The following MYO3A variants were observed in gnomAD, a reference collection of about 807,000 sequenced individuals.
MYO3A encodes the protein myosin IIIA, also known as myosin-IIIa.
Under a neutral mutation model 192.7 loss-of-function variants are expected in MYO3A, and 180 were observed. That is an observed-to-expected ratio of 0.93 (90% CI 0.83 to 1.06). The LOEUF (loss-of-function observed/expected upper bound fraction) is 1.06, where lower values mean the gene tolerates loss of function less well. MYO3A is among the 50% of genes least tolerant of loss of function. The pLI, the probability that MYO3A is intolerant of heterozygous loss-of-function variation, is 0.00. For synonymous variants in MYO3A, 628 were observed against 645.3 expected, an observed-to-expected ratio of 0.97 and a Z score of 0.41; for missense variants, 1,896 against 1,905.0, an observed-to-expected ratio of 1.00 and a Z score of 0.09.
chr10:26,094,370 T>C, intron 15 of MYO3A, among the ~76,000 whole-genome samples: 1 of 151,934 alleles, frequency 6.6e-6, no homozygotes, highest in East Asian at 1.9e-4. Context: ...ATATCTGAGT[T>C]ACTGTTGATT....
chr10:26,053,567 T>A (rs1404791098), intron 10 of MYO3A, among the ~76,000 whole-genome samples: 2 of 152,202 alleles, frequency 1.3e-5, no homozygotes, highest in African/African-American at 4.8e-5. Context: ...GGCTCACCCC[T>A]GTAATCCCAG....
At chr10:26,006,583 T>A (rs1201237504) in intron 6 of MYO3A, among the ~76,000 whole-genome samples, 4 of 152,016 alleles carry the variant, frequency 2.6e-5, no homozygotes, top group Admixed American at 6.6e-5. Flanking sequence ...CAAACTACCA[T>A]CAGAGAATAG....
At chr10:25,963,597 G>A (rs1001802732) in intron 4 of MYO3A, among the ~76,000 whole-genome samples, 3 of 152,146 alleles carry the variant, frequency 2.0e-5, no homozygotes, top group Non-Finnish European at 4.4e-5. Flanking sequence ...TTACTTAGAT[G>A]GCACAGAATT....
rs141044625 is a variant in MYO3A, at chr10:26,131,259, A to G, written c.2262+2721A>G. 6.4e-4 allele frequency among the ~76,000 whole-genome samples: 97 copies of G among 152,366 alleles called. 2 individuals carry two copies. The East Asian group carries it at 0.016, about 25-fold the overall frequency. On this transcript the variant is annotated intron_variant, in intron 20 of 34. Transcript: ENST00000642920. ...TTTGTAATAGACAGTGGGACACTCCAGCAAAGCTGTTTACAATGGTATTTT... is the reference window on the plus strand; with the variant it reads ...TTTGTAATAGACAGTGGGACACTCCGGCAAAGCTGTTTACAATGGTATTTT...
intron 14 of MYO3A, among the ~76,000 whole-genome samples, chr10:26,075,396 C>G (rs1835467716): frequency 6.6e-6 from 1 of 151,404 alleles, no homozygotes; most frequent in Non-Finnish European, 1.5e-5. Flanking sequence ...ATACACTGCA[C>G]CATATTTGAA....
intron 30 of MYO3A, among the ~76,000 whole-genome samples, chr10:26,175,866 G>A (rs188740720): frequency 1.1e-4 from 17 of 152,296 alleles, no homozygotes; most frequent in African/African-American, 3.9e-4. Context: ...AAAGCTAGAG[G>A]CTGTCCCAGC....
chr10:26,150,930 G>A (rs1840756742), intron 23 of MYO3A, among the ~76,000 whole-genome samples: 1 of 151,926 alleles, frequency 6.6e-6, no homozygotes, highest in Non-Finnish European at 1.5e-5. Context: ...TCTAATATCA[G>A]CACTTATATG....
At chr10:25,974,271 A>G (rs1388300360) in intron 4 of MYO3A, among the ~76,000 whole-genome samples, 1 of 152,210 alleles carries the variant, frequency 6.6e-6, no homozygotes, top group Non-Finnish European at 1.5e-5. Context: ...CATTCTGCAC[A>G]TGTATCCCGG....
At chr10:26,139,459 G>C (rs1840031198) in intron 20 of MYO3A, among the ~76,000 whole-genome samples, 1 of 152,036 alleles carries the variant, frequency 6.6e-6, no homozygotes, top group Non-Finnish European at 1.5e-5. Flanking sequence ...GGCTGGTCTT[G>C]AACTCCTGAC....
At chr10:26,199,547 G>A (rs749986627) in intron 32 of MYO3A, among the ~76,000 whole-genome samples, 41 of 152,032 alleles carry the variant, frequency 2.7e-4, no homozygotes, top group Non-Finnish European at 5.9e-5. Flanking sequence ...TCCAGCCTGA[G>A]TCACAGAGCG....
At chr10:26,001,629 T>C (rs1026734382) in intron 6 of MYO3A, among the ~76,000 whole-genome samples, 2 of 152,094 alleles carry the variant, frequency 1.3e-5, no homozygotes, top group African/African-American at 4.8e-5. Flanking sequence ...TATGGCCCCT[T>C]AAACTAGAAA....
intron 4 of MYO3A, among the ~76,000 whole-genome samples, chr10:25,982,020 C>G (rs1353307571): frequency 1.3e-5 from 2 of 152,150 alleles, no homozygotes; most frequent in African/African-American, 4.8e-5. Context: ...TACCAGCTGC[C>G]TGGAAATAGA....
intron 17 of MYO3A, among the ~76,000 whole-genome samples, chr10:26,101,888 T>A (rs1385071242): frequency 2.0e-5 from 3 of 152,174 alleles, no homozygotes; most frequent in Admixed American, 1.3e-4. Flanking sequence ...GAGTTGCTCT[T>A]CTGGAGGAGT....
intron 25 of MYO3A, among the ~76,000 whole-genome samples, 184 bp downstream of exon 25, chr10:26,155,007 C>T (rs1195325715): frequency 6.6e-6 from 1 of 152,186 alleles, no homozygotes; most frequent in Non-Finnish European, 1.5e-5. Context: ...TACATTCTAC[C>T]TGTGAAATTA....
intron 2 of MYO3A, among the ~76,000 whole-genome samples, chr10:25,947,391 T>TTC (rs1836919431): frequency 2.6e-5 from 1 of 38,746 alleles, no homozygotes; most frequent in African/African-American, 6.3e-5. Flanking sequence ...TTCTTTTTCT[T>TTC]TTTTTTTTTT....
chr10:25,996,688 T>A, intron 5 of MYO3A, 94 bp downstream of exon 5: 1 of 939,000 alleles, frequency 1.1e-6, no homozygotes, highest in African/African-American at 1.6e-5. Flanking sequence ...CTAGTGATAC[T>A]ACATTAGTAT....
At chr10:26,096,802 G>A (rs956552243) in intron 17 of MYO3A, 120 bp downstream of exon 17, 4 of 703,450 alleles carry the variant, frequency 5.7e-6, no homozygotes, top group Admixed American at 2.6e-5. Context: ...AATTGAAACA[G>A]CATTATGAAA....
intron 4 of MYO3A, among the ~76,000 whole-genome samples, chr10:25,972,144 T>C (rs1474749422): frequency 6.6e-6 from 1 of 152,232 alleles, no homozygotes; most frequent in Non-Finnish European, 1.5e-5. Flanking sequence ...TCTCTGAAAC[T>C]GTTCATTTAC....
At chr10:26,034,377 A>T (rs1842933948) in intron 10 of MYO3A, among the ~76,000 whole-genome samples, 1 of 152,202 alleles carries the variant, frequency 6.6e-6, no homozygotes, top group South Asian at 2.1e-4. Context: ...GACTGCCAGG[A>T]TGGCAACGCC....
Sources: gnomAD v4.1 joint callset for allele counts (sites outside exome capture counted in the v4.1 genomes callset) on GRCh38, gnomAD v4.1.1 for gene constraint, MANE v1.5 for transcripts, NCBI Gene and HGNC (gene_info 2026-07-23, HGNC 2026-07-21) for gene names.